Variants in ATP6V0A4 observed in about 807,000 individuals in gnomAD.
The protein encoded by ATP6V0A4 is ATPase H+ transporting V0 subunit a4.
ATP6V0A4 carries 86 observed loss-of-function variants against 107.3 expected under a neutral mutation model. The observed-to-expected ratio is 0.80, with a 90% confidence interval of 0.67 to 0.96. The LOEUF (loss-of-function observed/expected upper bound fraction) is 0.96. ATP6V0A4 is among the 40% of genes least tolerant of loss of function. The pLI is 0.00. For synonymous variants in ATP6V0A4, 353 were observed against 381.4 expected, an observed-to-expected ratio of 0.93 and a Z score of 0.87; for missense variants, 908 against 1,045.6, an observed-to-expected ratio of 0.87 and a Z score of 1.81.
chr7:138,740,958 C>A (rs1408737384), intron 14 of ATP6V0A4, among the ~76,000 whole-genome samples: 1 of 150,902 alleles, frequency 6.6e-6, no homozygotes, highest in African/African-American at 2.4e-5. Flanking sequence ...GCCTGGCCAA[C>A]AATGGTGAAA....
In ATP6V0A4 at chr7:138,709,681, G is replaced by A; in HGVS notation, c.2372C>T (p.Ala791Val). The A allele has an allele frequency of 6.2e-7, 1 of 1,613,742 alleles. No individual in the cohort carries two copies. The highest frequency in any genetic ancestry group is 1.7e-4 in the Middle Eastern group (1 of 6,060). Reference sequence around the variant, plus strand: ...GAGGCCCTCCATGATCAGAAGGATGGCTACTGTCAGGACAGCAAATACGGC... The same window carrying A: ...GAGGCCCTCCATGATCAGAAGGATGACTACTGTCAGGACAGCAAATACGGC... Reference protein sequence around the residue: ...IFAVFAVLTVAILLIMEGLSA... With the variant: ...IFAVFAVLTVVILLIMEGLSA... Residue 791 changes from alanine (A) to valine (V), a missense_variant, in exon 21 of 22, where the codon GCC becomes GTC. Coordinates refer to ENST00000310018, the MANE Select transcript of ATP6V0A4 (RefSeq NM_020632.3).
In ATP6V0A4 at chr7:138,706,601, C is replaced by T. The variant is rs1260107233; in HGVS notation, c.*23G>A. 2.5e-6 allele frequency: 4 copies of T among 1,613,288 alleles called. No homozygotes were observed. In the African/African-American group the frequency reaches 4.0e-5, roughly 16 times the overall value. The stretch of plus-strand genomic sequence containing the variant: ...ACTTCCTTCATTGGCATGGTGACCA[C>T]CGTGGGAGGTGCAGCCCTCAGCCTA... On this transcript the variant is annotated 3_prime_UTR_variant, in exon 22 of 22. Coordinates refer to ENST00000310018, the MANE Select transcript of ATP6V0A4 (RefSeq NM_020632.3).
At chr7:138,787,186 G>C (rs1046590108) in intron 1 of ATP6V0A4, among the ~76,000 whole-genome samples, 5 of 152,174 alleles carry the variant, frequency 3.3e-5, no homozygotes, top group Admixed American at 3.3e-4. Flanking sequence ...CTTTCCAGTT[G>C]TTTCTCACAG....
intron 14 of ATP6V0A4, among the ~76,000 whole-genome samples, chr7:138,741,321 G>GT (rs1805622930): frequency 2.0e-5 from 3 of 152,142 alleles, no homozygotes; most frequent in African/African-American, 7.2e-5. Context: ...TCAATGTGCA[G>GT]TGGCAGCAGC....
At chr7:138,787,971 C>T (rs1450310026) in intron 1 of ATP6V0A4, among the ~76,000 whole-genome samples, 6 of 151,962 alleles carry the variant, frequency 3.9e-5, no homozygotes, top group Non-Finnish European at 8.8e-5. Context: ...CTGCACTCCA[C>T]CCTGGGCAAT....
At position 138,779,654 on chromosome 7, in the gene ATP6V0A4, C is replaced by T. The variant is rs191227639; in HGVS notation, c.-18+6504G>A. 3.2e-3 allele frequency among the ~76,000 whole-genome samples: 493 copies of T among 152,244 alleles called. 3 individuals are homozygous for T. The highest frequency in any genetic ancestry group is 0.011 in the African/African-American group (450 of 41,532). On this transcript the variant is annotated intron_variant, in intron 2 of 21. Transcript: ENST00000310018. Reference sequence around the variant, plus strand: ...GGTCATAATTCTACCCAACATGATACGACTGAAAATGCACTAATCTCTTCC... The same window carrying T: ...GGTCATAATTCTACCCAACATGATATGACTGAAAATGCACTAATCTCTTCC...
intron 16 of ATP6V0A4, 60 bp downstream of exon 16, chr7:138,734,076 T>A: frequency 6.5e-7 from 1 of 1,543,590 alleles, no homozygotes. Flanking sequence ...AGTGGCTCTG[T>A]CACCATTCAT....
rs111886572 is a variant in ATP6V0A4, at chr7:138,786,814, G to C, written c.-120-554C>G. Among the ~76,000 whole-genome samples, 545 of 152,124 alleles carry C rather than the reference G, an allele frequency of 3.6e-3. 3 individuals carry two copies. The highest frequency in any genetic ancestry group is 0.013 in the African/African-American group (528 of 41,506). On this transcript the variant is annotated intron_variant, in intron 1 of 21. Coordinates refer to ENST00000310018, the MANE Select transcript of ATP6V0A4 (RefSeq NM_020632.3). ...CGGCGCTAGCCTAAGTTTTTCACTT[G>C]GGAGCACCTCCCTAGTTATCTGCCT...
At chr7:138,764,117 A>G (rs1391101084) in intron 5 of ATP6V0A4, among the ~76,000 whole-genome samples, 2 of 151,650 alleles carry the variant, frequency 1.3e-5, no homozygotes, top group African/African-American at 4.8e-5. Context: ...ATTTTTTAAC[A>G]TGTAAAGCTA....
At chr7:138,762,263 GT>G in intron 7 of ATP6V0A4, 76 bp downstream of exon 7, 9 of 1,535,568 alleles carry the variant, frequency 5.9e-6, no homozygotes, top group Non-Finnish European at 8.1e-6. Flanking sequence ...ATGGCTATTT[GT>G]TCACCCGTTC....
Position 138,798,143 on chromosome 7 carries a change from C to T in ATP6V0A4, c.-230G>A. The T allele has an allele frequency of 6.2e-7, 1 of 1,602,248 alleles. No individual in the cohort carries two copies. Among genetic ancestry groups the T allele is most frequent in the Middle Eastern group, 1.7e-4 (1 of 6,058 alleles). On this transcript the variant is annotated 5_prime_UTR_variant, in exon 1 of 22. Coordinates refer to ENST00000310018, the MANE Select transcript of ATP6V0A4 (RefSeq NM_020632.3). Reference sequence around the variant, plus strand: ...CCGCTGCCACCCGGGCCACCCTGATCCTCAGCCTGGCCTTTGCCTCCCTCC... The same window carrying T: ...CCGCTGCCACCCGGGCCACCCTGATTCTCAGCCTGGCCTTTGCCTCCCTCC...
chr7:138,731,901 A>AAAT (rs1805039188), intron 17 of ATP6V0A4, among the ~76,000 whole-genome samples: 6 of 146,620 alleles, frequency 4.1e-5, no homozygotes, highest in African/African-American at 1.3e-4. Flanking sequence ...TCCAAAAATA[A>AAAT]AAATAAATAA....
chr7:138,722,309 CAG>C (rs1804462539), intron 18 of ATP6V0A4, among the ~76,000 whole-genome samples: 1 of 151,710 alleles, frequency 6.6e-6, no homozygotes, highest in African/African-American at 2.4e-5. Context: ...GCCTGGGCGA[CAG>C]AGAGAGACTC....
intron 20 of ATP6V0A4, among the ~76,000 whole-genome samples, chr7:138,713,342 G>A (rs1463044448): frequency 2.0e-5 from 3 of 151,520 alleles, no homozygotes; most frequent in Non-Finnish European, 4.4e-5. Flanking sequence ...TTGCAGGGCT[G>A]AGTGTGTGCA....
chr7:138,742,531 G>A (rs1019256248), intron 14 of ATP6V0A4, among the ~76,000 whole-genome samples: 13 of 152,284 alleles, frequency 8.5e-5, no homozygotes, highest in African/African-American at 3.1e-4. Context: ...TTGTTTGTTT[G>A]TTTGTTTGTT....
At position 138,773,100 on chromosome 7, in the gene ATP6V0A4, G is replaced by A. The variant is rs918443466; in HGVS notation, c.-17-1836C>T. Among the ~76,000 whole-genome samples the A allele has an allele frequency of 2.0e-5, 3 of 152,076 alleles. No homozygotes were observed. Among genetic ancestry groups the A allele is most frequent in the African/African-American group, 7.2e-5 (3 of 41,408 alleles). On this transcript the variant is annotated intron_variant, in intron 2 of 21. Coordinates refer to ENST00000310018, the MANE Select transcript of ATP6V0A4 (RefSeq NM_020632.3). The surrounding 1 kb of genome is among the most constrained non-coding windows in gnomAD (Gnocchi z 5.4). ...TCCAGAGTAGATTTAATTTTATCAC[G>A]TACAGAGTATCTACTGTGTGCTCGA...
At position 138,762,970 on chromosome 7, in the gene ATP6V0A4, GC is replaced by G; in HGVS notation, c.346del (p.Ala116ProfsTer2). 1 of 1,614,096 alleles carries G rather than the reference GC, an allele frequency of 6.2e-7. No individual in the cohort carries two copies. The highest frequency in any genetic ancestry group is 8.5e-7 in the Non-Finnish European group (1 of 1,180,020). ...CAGTTCTAGGAAGCTTTGTTTCAAG[GC>G]CTGCTGGTTCTGGTTGGCTTCCTGT... The part of the protein sequence containing the change: ...ELQEANQNQQ[A>X]LKQSFLELTE... On this transcript the variant is annotated frameshift_variant, in exon 6 of 22. Coordinates refer to ENST00000310018, the MANE Select transcript of ATP6V0A4 (RefSeq NM_020632.3). LOFTEE classifies it high-confidence loss of function.
chr7:138,755,908 G>C (rs947615496), intron 9 of ATP6V0A4, 126 bp from the exon 10 acceptor site: 2 of 1,513,304 alleles, frequency 1.3e-6, no homozygotes, highest in African/African-American at 2.8e-5. Context: ...GAATAACTGC[G>C]TCTTTGGCCA....
At position 138,739,559 on chromosome 7, in the gene ATP6V0A4, T is replaced by C. The variant is rs754000305; in HGVS notation, c.1553A>G (p.Tyr518Cys). Reference sequence around the variant, plus strand: ...TATTACCGGATCAATCCCAAACGGGTATGGATTTCCAAAATACACTCCTGG... The same window carrying C: ...TATTACCGGATCAATCCCAAACGGGCATGGATTTCCAAAATACACTCCTGG... ...AIPGVYFGNP[Y>C]PFGIDPIWNL... is the part of the protein sequence containing the mutation. Residue 518 changes from tyrosine (Y) to cysteine (C), a missense_variant, in exon 15 of 22, where the codon TAC becomes TGC. Physicochemically the swap from Tyr to Cys is radical, Grantham distance 194. Coordinates refer to ENST00000310018, the MANE Select transcript of ATP6V0A4 (RefSeq NM_020632.3). 3 of 1,614,110 alleles carry C rather than the reference T, an allele frequency of 1.9e-6. No individual in the cohort carries two copies. In the South Asian group the frequency reaches 3.3e-5, roughly 18 times the overall value.
Sources: gnomAD v4.1 joint callset for allele counts (sites outside exome capture counted in the v4.1 genomes callset) on GRCh38, gnomAD v4.1.1 for gene constraint, Gnocchi (gnomAD v3.1) non-coding constraint, MANE v1.5 for transcripts, NCBI Gene and HGNC (gene_info 2026-07-23, HGNC 2026-07-21) for gene names.